FIP1L1: variants seen among roughly 807,000 people sequenced by gnomAD.
The protein encoded by FIP1L1 is factor interacting with PAPOLA and CPSF1.
A neutral mutation model predicts 84.6 loss-of-function variants in FIP1L1; 21 were observed. The ratio of observed to expected loss-of-function variants is 0.25; its 90% confidence interval spans 0.18 to 0.36. The LOEUF (loss-of-function observed/expected upper bound fraction) is 0.36, where lower values mean the gene tolerates loss of function less well. Among genes scored for constraint, FIP1L1 ranks in the 10% least tolerant of loss-of-function variants. FIP1L1 has a pLI of 1.00. For missense variants in FIP1L1, 526 were observed against 751.1 expected (o/e 0.70, Z 3.50); for synonymous variants, 263 against 242.3 (o/e 1.09, Z -0.80).
intron 16 of FIP1L1, among the ~76,000 whole-genome samples, chr4:53,457,735 T>G (rs778061279): frequency 6.6e-6 from 1 of 152,100 alleles, no homozygotes; most frequent in Non-Finnish European, 1.5e-5. Flanking sequence ...CTAAGTGAAT[T>G]TACTGATGTT....
At chr4:53,412,035 A>C (rs1483575382) in intron 10 of FIP1L1, among the ~76,000 whole-genome samples, 1 of 152,130 alleles carries the variant, frequency 6.6e-6, no homozygotes, top group Non-Finnish European at 1.5e-5. Flanking sequence ...TTGTCATTGA[A>C]AAAAATAAAG....
Position 53,377,786 on chromosome 4 carries a change from A to C in FIP1L1, c.-53A>C. ...CGCCTCGGGGCTGCGAGGCTGGGGAAGGGGTTGGAGGGGGCTGTTGATCGC... is the reference window on the plus strand; with the variant it reads ...CGCCTCGGGGCTGCGAGGCTGGGGACGGGGTTGGAGGGGGCTGTTGATCGC... On this transcript the variant is annotated 5_prime_UTR_variant, in exon 1 of 18. Coordinates refer to ENST00000337488, the MANE Select transcript of FIP1L1 (RefSeq NM_030917.4). 1.3e-5 allele frequency: 19 copies of C among 1,445,510 alleles called. No individual in the cohort carries two copies. Among genetic ancestry groups the C allele is most frequent in the Non-Finnish European group, 1.7e-5 (18 of 1,080,756 alleles). The allele number at this position is 1,445,510 out of a possible 1,614,324, so 89.5% of individuals were successfully genotyped here.
intron 10 of FIP1L1, among the ~76,000 whole-genome samples, chr4:53,410,297 T>C (rs1166488182): frequency 6.6e-6 from 1 of 152,218 alleles, no homozygotes; most frequent in African/African-American, 2.4e-5. Context: ...CCTTTCTGAT[T>C]TGCTTCAAAT....
chr4:53,409,709 C>G (rs942567834), intron 10 of FIP1L1, among the ~76,000 whole-genome samples: 3 of 152,254 alleles, frequency 2.0e-5, no homozygotes, highest in Non-Finnish European at 4.4e-5. Context: ...CGCCCCTCCC[C>G]CAGCCTCGCT....
chr4:53,393,764 G>GCCCCCCCC (rs35029503), intron 9 of FIP1L1, among the ~76,000 whole-genome samples: 28 of 87,946 alleles, frequency 3.2e-4, no homozygotes, highest in Non-Finnish European at 4.3e-4. Flanking sequence ...TTTCCCCCCG[G>GCCCCCCCC]CCCCCCCCCC....
chr4:53,395,612 A>C (rs181098362), intron 9 of FIP1L1, among the ~76,000 whole-genome samples: 123 of 152,312 alleles, frequency 8.1e-4, no homozygotes, highest in African/African-American at 2.9e-3. Flanking sequence ...TGTTCTTTGG[A>C]GTTTGAAGAA....
At chr4:53,405,419 G>T (rs887913391) in intron 10 of FIP1L1, among the ~76,000 whole-genome samples, 5 of 152,158 alleles carry the variant, frequency 3.3e-5, no homozygotes, top group Middle Eastern at 3.2e-3. Flanking sequence ...TAGCCTTGTA[G>T]TATAGTTTGA....
chr4:53,412,603 G>C (rs1757699512), intron 10 of FIP1L1, among the ~76,000 whole-genome samples: 2 of 151,870 alleles, frequency 1.3e-5, no homozygotes, highest in South Asian at 4.2e-4. Context: ...TGCTTTTTGG[G>C]CAGGAATACT....
intron 13 of FIP1L1, among the ~76,000 whole-genome samples, chr4:53,435,593 T>C (rs1768774264): frequency 6.6e-6 from 1 of 152,224 alleles, no homozygotes; most frequent in African/African-American, 2.4e-5. Flanking sequence ...TTGTCCATTT[T>C]ATAGTGTATG....
rs1237458476 is a variant in FIP1L1, at chr4:53,458,798, C to G, written c.1637+8C>G. On this transcript the variant is annotated splice_region_variant and intron_variant, in intron 17 of 17. Transcript: ENST00000337488. ...ACATAAGTCTTCTCGAAGGTTTGCT[C>G]TTTAATAAAATAGTGAACCAATAGT... 6.2e-7 allele frequency: 1 copy of G among 1,608,616 alleles called. No homozygotes were observed. The highest frequency in any genetic ancestry group is 8.5e-7 in the Non-Finnish European group (1 of 1,177,506).
In FIP1L1 at chr4:53,414,672, C is replaced by T. The variant is rs1297307846; in HGVS notation, c.873C>T (p.Ser291=). The change falls in exon 11 of 18, where the codon AGC becomes AGT. Residue 291 remains serine (S), a synonymous_variant. Transcript: ENST00000337488. ...CTGCCTCCAGAAAAGCCAATTCAAG[C>T]GTTGGGAAGTGGCAGGATCGATATG... ...TSTASRKANS[S]VGKWQDRYGR... 6.2e-6 allele frequency: 10 copies of T among 1,613,256 alleles called. No individual in the cohort carries two copies. The highest frequency in any genetic ancestry group is 2.7e-5 in the African/African-American group (2 of 74,868).
chr4:53,381,897 G>T (rs1738264335), intron 3 of FIP1L1, among the ~76,000 whole-genome samples: 2 of 150,930 alleles, frequency 1.3e-5, no homozygotes, highest in Non-Finnish European at 1.5e-5. Context: ...CGAGTAGCTG[G>T]GATTACAGGT....
intron 9 of FIP1L1, among the ~76,000 whole-genome samples, chr4:53,392,890 C>T (rs1024417968): frequency 1.3e-5 from 2 of 152,080 alleles, no homozygotes; most frequent in African/African-American, 4.8e-5. Flanking sequence ...GATTTTAATT[C>T]GATGGGTACA....
intron 9 of FIP1L1, among the ~76,000 whole-genome samples, chr4:53,391,716 C>T (rs1744326739): frequency 6.6e-6 from 1 of 152,142 alleles, no homozygotes; most frequent in African/African-American, 2.4e-5. Context: ...CCGAGTAAAA[C>T]TATTGTTTGC....
intron 13 of FIP1L1, among the ~76,000 whole-genome samples, chr4:53,434,719 C>G (rs1290739016): frequency 2.0e-5 from 3 of 152,150 alleles, no homozygotes; most frequent in African/African-American, 7.2e-5. Flanking sequence ...CCACCCACCT[C>G]GGCTTCCCAA....
chr4:53,381,913 C>T (rs1299898510), intron 3 of FIP1L1, among the ~76,000 whole-genome samples: 29 of 150,770 alleles, frequency 1.9e-4, no homozygotes, highest in Non-Finnish European at 1.0e-4. Context: ...CAGGTGCCCG[C>T]CACCATGCCT....
chr4:53,390,846 G>A (rs1743900362), intron 7 of FIP1L1, among the ~76,000 whole-genome samples, 163 bp from the exon 8 acceptor site: 1 of 152,002 alleles, frequency 6.6e-6, no homozygotes, highest in South Asian at 2.1e-4. Flanking sequence ...GTTTGTAAAG[G>A]GAATAATTTG....
At chr4:53,428,731 A>G (rs1297229496) in intron 13 of FIP1L1, among the ~76,000 whole-genome samples, 1 of 152,254 alleles carries the variant, frequency 6.6e-6, no homozygotes, top group Admixed American at 6.5e-5. Flanking sequence ...TAGTGGTGAT[A>G]GAGAAGAAAC....
In FIP1L1 at chr4:53,420,642, A is replaced by C. The variant is rs550665852; in HGVS notation, c.924-5230A>C. ...AATAAATTGTTACTCGAACATTAGA[A>C]TATATTTTCTTTATAAATTGTGTAT... On this transcript the variant is annotated intron_variant, in intron 11 of 17. Coordinates refer to ENST00000337488, the MANE Select transcript of FIP1L1 (RefSeq NM_030917.4). Among the ~76,000 whole-genome samples the C allele has an allele frequency of 2.3e-3, 353 of 152,258 alleles. 2 individuals are homozygous for C. The highest frequency in any genetic ancestry group is 3.2e-3 in the Non-Finnish European group (220 of 68,016).
Sources: gnomAD v4.1 joint callset for allele counts (sites outside exome capture counted in the v4.1 genomes callset) on GRCh38, gnomAD v4.1.1 for gene constraint, MANE v1.5 for transcripts, NCBI Gene and HGNC (gene_info 2026-07-23, HGNC 2026-07-21) for gene names.